The following MMEL1 variants were observed in gnomAD, a reference collection of about 807,000 sequenced individuals.
MMEL1 encodes membrane metalloendopeptidase like 1.
MMEL1 carries 98 observed loss-of-function variants against 117.1 expected under a neutral mutation model. The ratio of observed to expected loss-of-function variants is 0.84; its 90% CI spans 0.71 to 0.99. The LOEUF is 0.99. Among genes scored for constraint, MMEL1 ranks in the 50% least tolerant of loss-of-function variants. The pLI, the probability that MMEL1 is intolerant of heterozygous loss-of-function variation, is 0.00. For missense variants in MMEL1, 1,014 were observed against 1,049.1 expected, an observed-to-expected ratio of 0.97 and a Z score of 0.46; for synonymous variants, 390 against 415.1, an observed-to-expected ratio of 0.94 and a Z score of 0.74.
rs546137537 is a variant in MMEL1, at chr1:2,595,878, C to G, written c.1500+131G>C. Reference sequence around the variant, plus strand: ...TCTGCGCCTCCCGGGGCTGCCTTCTCCCCGTGGGGTCCTGTCTGCGCCTCC... The same window carrying G: ...TCTGCGCCTCCCGGGGCTGCCTTCTGCCCGTGGGGTCCTGTCTGCGCCTCC... On this transcript the variant is annotated intron_variant, in intron 15 of 23. Transcript: ENST00000378412. This position sits in a 1 kb window ranked among gnomAD's most constrained non-coding sequence, Gnocchi z 4.8. 3.9e-5 allele frequency: 27 copies of G among 690,800 alleles called. No homozygotes were observed. In the South Asian group the frequency reaches 4.3e-4, roughly 11 times the overall value. The allele number at this position is 690,800 out of a possible 1,614,324, so 42.8% of individuals were successfully genotyped here.
At chr1:2,592,102 CAGAGG>C in intron 21 of MMEL1, 75 bp from the exon 22 acceptor site, 1 of 1,302,036 alleles carries the variant, frequency 7.7e-7, no homozygotes, top group Non-Finnish European at 1.1e-6. Flanking sequence ...CAGGGCAGAG[CAGAGG>C]TCTGGCTCCA....
chr1:2,616,342 C>CAAA (rs60641053), intron 2 of MMEL1, among the ~76,000 whole-genome samples: 2,212 of 89,120 alleles, frequency 0.025, 55 homozygotes, highest in Middle Eastern at 0.028. Context: ...GACCCTAGCT[C>CAAA]AAAAAAAAAA....
At chr1:2,603,095 C>T (rs1644960520) in intron 11 of MMEL1, among the ~76,000 whole-genome samples, 1 of 152,208 alleles carries the variant, frequency 6.6e-6, no homozygotes, top group Admixed American at 6.5e-5. Flanking sequence ...ATCTAGGGAC[C>T]ACCAGCCTTC....
At chr1:2,610,369 A>T (rs191111136) in intron 4 of MMEL1, among the ~76,000 whole-genome samples, 48 of 151,850 alleles carry the variant, frequency 3.2e-4, no homozygotes, top group Middle Eastern at 3.4e-3. Flanking sequence ...TGAACCCCAA[A>T]CCCTCCGAGA....
intron 2 of MMEL1, among the ~76,000 whole-genome samples, chr1:2,628,612 G>T (rs1477777694): frequency 6.6e-6 from 1 of 151,974 alleles, no homozygotes; most frequent in Non-Finnish European, 1.5e-5. Context: ...GCGGCTGGAA[G>T]GTGACCAGGT....
intron 8 of MMEL1, 48 bp from the exon 9 acceptor site, chr1:2,605,671 G>T: frequency 6.7e-7 from 1 of 1,492,832 alleles, no homozygotes; most frequent in Non-Finnish European, 9.3e-7. Context: ...CGGGGTCCCC[G>T]CAGCCTGGCT....
chr1:2,612,476 C>T lies in MMEL1; in HGVS notation c.155-272G>A, dbSNP rs1446194074. 6.6e-6 allele frequency among the ~76,000 whole-genome samples: 1 copy of T among 152,150 alleles called. No homozygotes were observed. Among genetic ancestry groups the T allele is most frequent in the Non-Finnish European group, 1.5e-5 (1 of 68,022 alleles). ...CCTTTAATTCTCCCTCCACCCACCC[C>T]AAGGTCCCCGATGTGCCAGGGCCTA... On this transcript the variant is annotated intron_variant, in intron 2 of 23. Coordinates refer to ENST00000378412, the MANE Select transcript of MMEL1 (RefSeq NM_033467.4). This position sits in a 1 kb window ranked among gnomAD's most constrained non-coding sequence, Gnocchi z 5.4.
chr1:2,614,076 A>T (rs142027086), intron 2 of MMEL1, among the ~76,000 whole-genome samples: 1 of 152,326 alleles, frequency 6.6e-6, no homozygotes, highest in Non-Finnish European at 1.5e-5. Context: ...TGGCAGGGCA[A>T]CTATTCTGTA....
At chr1:2,608,821 AAC>A (rs902324870) in intron 6 of MMEL1, among the ~76,000 whole-genome samples, 4 of 152,086 alleles carry the variant, frequency 2.6e-5, no homozygotes, top group Non-Finnish European at 5.9e-5. Flanking sequence ...TATACATAAC[AAC>A]ACACATACAT....
intron 22 of MMEL1, 44 bp from the exon 23 acceptor site, chr1:2,591,677 T>TAGGGGGGGGGGGGGGGGG: frequency 2.3e-6 from 1 of 441,164 alleles, no homozygotes. Flanking sequence ...CGTGGTGGGG[T>TAGGGGGGGGGGGGGGGGG]GGCCAGGAGG....
chr1:2,608,994 A>C, intron 6 of MMEL1, among the ~76,000 whole-genome samples: 1 of 151,950 alleles, frequency 6.6e-6, no homozygotes, highest in South Asian at 2.1e-4. Flanking sequence ...TAAATGTATA[A>C]TATGCATGCA....
At chr1:2,608,648 T>G (rs1048175706) in intron 6 of MMEL1, among the ~76,000 whole-genome samples, 1 of 151,702 alleles carries the variant, frequency 6.6e-6, no homozygotes, top group Non-Finnish European at 1.5e-5. Context: ...CATACACATA[T>G]GCACACACAA....
rs113404083 is a variant in MMEL1, at chr1:2,598,124, G to A, written c.1272+83C>T. ...TGGCTGTGACCCTGGTGTGGACCTCGGTGTTTGCCTACAGCTTATGCTCAG... is the reference window on the plus strand; with the variant it reads ...TGGCTGTGACCCTGGTGTGGACCTCAGTGTTTGCCTACAGCTTATGCTCAG... On this transcript the variant is annotated intron_variant, in intron 13 of 23. Coordinates refer to ENST00000378412, the MANE Select transcript of MMEL1 (RefSeq NM_033467.4). 2.1e-4 allele frequency: 281 copies of A among 1,311,402 alleles called. No individual in the cohort carries two copies. The African/African-American group carries it at 3.1e-3, about 14-fold the overall frequency. 81.2% of individuals were successfully genotyped at this position (1,311,402 alleles called of 1,614,324 possible).
intron 1 of MMEL1, among the ~76,000 whole-genome samples, chr1:2,631,249 CCCCAGCTTAG>C (rs965334700): frequency 3.3e-5 from 5 of 152,162 alleles, no homozygotes; most frequent in African/African-American, 1.2e-4. Context: ...CTGTGCTGAG[CCCCAGCTTAG>C]CCCTGTACCA....
At chr1:2,611,415 G>A (rs570335796) in intron 3 of MMEL1, 75 bp from the exon 4 acceptor site, 62 of 879,230 alleles carry the variant, frequency 7.1e-5, no homozygotes, top group Middle Eastern at 3.5e-4. Flanking sequence ...TGTGGGCGGG[G>A]CAAGGTCTGG....
rs749046696 is a variant in MMEL1, at chr1:2,629,488, C to A, written c.-4G>T. The A allele has an allele frequency of 8.0e-6, 12 of 1,503,662 alleles. No homozygotes were observed. The allele number at this position is 1,503,662 out of a possible 1,614,324, so 93.1% of individuals were successfully genotyped here. On this transcript the variant is annotated 5_prime_UTR_variant, in exon 2 of 24. Transcript: ENST00000378412. ...CTGGGCCTTCGGACTTCCCCATCAG[C>A]AGGGCTCTGGACGGGAGAGCACCGC...
At chr1:2,607,510 G>A (rs1027765469) in intron 6 of MMEL1, among the ~76,000 whole-genome samples, 10 of 152,092 alleles carry the variant, frequency 6.6e-5, no homozygotes, top group Admixed American at 2.0e-4. Context: ...GGAGCCCTGG[G>A]GCCTGTGTGT....
intron 6 of MMEL1, among the ~76,000 whole-genome samples, chr1:2,608,823 C>T (rs10797438): frequency 0.45 from 69,064 of 151,946 alleles, 17,302 homozygotes; most frequent in African/African-American, 0.67. Flanking sequence ...TACATAACAA[C>T]ACACATACAT....
At chr1:2,598,117 G>T in intron 13 of MMEL1, 90 bp downstream of exon 13, 1 of 1,130,708 alleles carries the variant, frequency 8.8e-7, no homozygotes, top group Non-Finnish European at 1.3e-6. Flanking sequence ...ACCCTGGTGT[G>T]GACCTCGGTG....
Sources: gnomAD v4.1 joint callset for allele counts (sites outside exome capture counted in the v4.1 genomes callset) on GRCh38, gnomAD v4.1.1 for gene constraint, Gnocchi (gnomAD v3.1) non-coding constraint, MANE v1.5 for transcripts, NCBI Gene and HGNC (gene_info 2026-07-23, HGNC 2026-07-21) for gene names.